Variants in SCFD2 observed in about 807,000 individuals in gnomAD.
The protein encoded by SCFD2 is sec1 family domain containing 2.
A neutral mutation model predicts 58.9 loss-of-function variants in SCFD2; 54 were observed. The ratio of observed to expected loss-of-function variants is 0.92; its 90% CI spans 0.74 to 1.15. SCFD2 has a LOEUF of 1.15. Ranked by LOEUF, SCFD2 falls within the 50% of genes most tolerant of loss-of-function variation. The pLI is 0.00. For synonymous variants in SCFD2, 321 were observed against 335.9 expected, an observed-to-expected ratio of 0.96 and a Z score of 0.49; for missense variants, 805 against 836.6, an observed-to-expected ratio of 0.96 and a Z score of 0.47.
chr4:52,922,346 C>T (rs1038247178), intron 5 of SCFD2, among the ~76,000 whole-genome samples: 1 of 151,978 alleles, frequency 6.6e-6, no homozygotes, highest in Non-Finnish European at 1.5e-5. Flanking sequence ...CAGTCACCCC[C>T]GATTTCTGCC....
At chr4:52,876,466 C>T (rs936510927) in intron 8 of SCFD2, among the ~76,000 whole-genome samples, 4 of 151,942 alleles carry the variant, frequency 2.6e-5, no homozygotes, top group South Asian at 2.1e-4. Context: ...AGCCCTTTTT[C>T]GAACTGGGTG....
At position 53,107,005 on chromosome 4, in the gene SCFD2, C is replaced by A. The variant is rs140052256; in HGVS notation, c.1561+38328G>T. 1.1e-3 allele frequency among the ~76,000 whole-genome samples: 166 copies of A among 152,194 alleles called. 1 individual carries two copies. Among genetic ancestry groups the A allele is most frequent in the African/African-American group, 3.9e-3 (160 of 41,510 alleles). Reference sequence around the variant, plus strand: ...GGTCGGGTTACCCACAAAGGGAAGCCCATCAGACTAACAGCAGATATCTTG... The same window carrying A: ...GGTCGGGTTACCCACAAAGGGAAGCACATCAGACTAACAGCAGATATCTTG... On this transcript the variant is annotated intron_variant, in intron 5 of 8. Transcript: ENST00000401642.
At chr4:53,243,672 G>A (rs1338175573) in intron 4 of SCFD2, among the ~76,000 whole-genome samples, 1 of 150,974 alleles carries the variant, frequency 6.6e-6, no homozygotes, top group Non-Finnish European at 1.5e-5. Flanking sequence ...TCCATTAAAA[G>A]GCACAAAGTA....
chr4:53,110,396 T>A (rs1226161842), intron 5 of SCFD2, among the ~76,000 whole-genome samples: 2 of 151,950 alleles, frequency 1.3e-5, no homozygotes, highest in Non-Finnish European at 2.9e-5. Context: ...ACAAATGGGA[T>A]CTAATTAAAC....
intron 3 of SCFD2, among the ~76,000 whole-genome samples, chr4:53,296,166 A>C (rs960793003): frequency 1.3e-5 from 2 of 152,188 alleles, no homozygotes; most frequent in Non-Finnish European, 2.9e-5. Flanking sequence ...TGAGTTAGGG[A>C]GGATTCCCTC....
chr4:52,889,667 A>T (rs569267411), intron 7 of SCFD2, among the ~76,000 whole-genome samples: 72 of 152,342 alleles, frequency 4.7e-4, no homozygotes, highest in Non-Finnish European at 1.3e-4. Context: ...TACTGAGTGT[A>T]TGCATATCAC....
intron 5 of SCFD2, among the ~76,000 whole-genome samples, chr4:53,032,643 A>T (rs1416229846): frequency 6.6e-6 from 1 of 152,140 alleles, no homozygotes; most frequent in Non-Finnish European, 1.5e-5. Context: ...ACAAACAAAA[A>T]ACAAAAAACA....
intron 5 of SCFD2, among the ~76,000 whole-genome samples, chr4:52,984,601 T>C (rs1406715609): frequency 6.6e-6 from 1 of 152,210 alleles, no homozygotes; most frequent in Non-Finnish European, 1.5e-5. Flanking sequence ...CATTATATAA[T>C]AGAATGAATG....
intron 4 of SCFD2, among the ~76,000 whole-genome samples, chr4:53,231,994 T>C (rs1269578054): frequency 6.6e-6 from 1 of 152,022 alleles, no homozygotes; most frequent in Non-Finnish European, 1.5e-5. Flanking sequence ...CGTTAAAGAA[T>C]ACAAAACAAA....
chr4:52,988,874 T>C (rs934935191), intron 5 of SCFD2, among the ~76,000 whole-genome samples: 3 of 152,240 alleles, frequency 2.0e-5, no homozygotes, highest in African/African-American at 7.2e-5. Context: ...TACAATGATA[T>C]TAATACTTCT....
At chr4:53,201,406 T>C (rs1044805504) in intron 4 of SCFD2, among the ~76,000 whole-genome samples, 4 of 152,214 alleles carry the variant, frequency 2.6e-5, no homozygotes, top group Non-Finnish European at 5.9e-5. Context: ...TGCCACATTT[T>C]CTTAATCCAG....
chr4:52,936,247 T>A (rs756216707), intron 5 of SCFD2, among the ~76,000 whole-genome samples: 6 of 152,096 alleles, frequency 3.9e-5, no homozygotes, highest in Non-Finnish European at 5.9e-5. Context: ...GGATTAACTT[T>A]CCCTAAATAA....
chr4:52,950,024 C>T (rs943802186), intron 5 of SCFD2: 1 of 152,228 alleles, frequency 6.6e-6, no homozygotes, highest in Non-Finnish European at 1.5e-5. Context: ...CATCTGTACA[C>T]ACAACAGTGC....
In SCFD2 at chr4:53,365,722, C is replaced by G; in HGVS notation, c.220G>C (p.Val74Leu). The G allele has an allele frequency of 6.2e-7, 1 of 1,614,146 alleles. No homozygotes were observed. The highest frequency in any genetic ancestry group is 1.1e-5 in the South Asian group (1 of 91,078). Residue 74 changes from valine (V) to leucine (L), a missense_variant, in exon 1 of 9, where the codon GTG (valine) becomes CTG (leucine). By Grantham distance (32) the Val-to-Leu change is conservative. Coordinates refer to ENST00000401642, the MANE Select transcript of SCFD2 (RefSeq NM_152540.4). The surrounding 1 kb of genome is among the most constrained non-coding windows in gnomAD (Gnocchi z 4.3). ...IGGGAKQPKA[V>L]FVLSCLLKGR... is the part of the protein sequence containing the mutation. The stretch of plus-strand genomic sequence containing the variant: ...TTCAGCAGGCAGCTCAGCACAAACA[C>G]TGCCTTGGGCTGCTTGGCTCCACCA...
intron 4 of SCFD2, among the ~76,000 whole-genome samples, chr4:53,179,895 A>G (rs1280200835): frequency 1.3e-5 from 2 of 152,230 alleles, no homozygotes; most frequent in Non-Finnish European, 2.9e-5. Flanking sequence ...AGATCAAAAG[A>G]GACAAAGAAG....
chr4:52,968,125 G>C (rs1251161744), intron 5 of SCFD2, among the ~76,000 whole-genome samples: 1 of 151,956 alleles, frequency 6.6e-6, no homozygotes, highest in East Asian at 1.9e-4. Context: ...CACCCTTGCA[G>C]GGGAATCACA....
In SCFD2 at chr4:52,873,909, G is replaced by T. The variant is rs1718407603; in HGVS notation, c.*60C>A. On this transcript the variant is annotated 3_prime_UTR_variant, in exon 9 of 9. Coordinates refer to ENST00000401642, the MANE Select transcript of SCFD2 (RefSeq NM_152540.4). ...TGGTTGTGGAGGAGTATTTGGAGTG[G>T]TGGCAGAAAATTGCATCGGCATTTC... is the stretch of plus-strand genomic sequence containing the variant. 2 of 1,224,428 alleles carry T rather than the reference G, an allele frequency of 1.6e-6. No homozygotes were observed. Among genetic ancestry groups the T allele is most frequent in the Non-Finnish European group, 1.2e-6 (1 of 826,686 alleles). 75.8% of individuals were successfully genotyped at this position (1,224,428 alleles called of 1,614,324 possible).
At chr4:52,959,002 A>G (rs1339985760) in intron 5 of SCFD2, among the ~76,000 whole-genome samples, 1 of 152,142 alleles carries the variant, frequency 6.6e-6, no homozygotes, top group African/African-American at 2.4e-5. Flanking sequence ...TATTACACCT[A>G]CCTCACTGAT....
intron 3 of SCFD2, among the ~76,000 whole-genome samples, chr4:53,294,392 C>A (rs762676467): frequency 1.2e-4 from 19 of 152,278 alleles, no homozygotes; most frequent in Non-Finnish European, 2.5e-4. Flanking sequence ...CTCTGATGAC[C>A]AGTGATAATG....
Sources: allele counts gnomAD v4.1 joint callset (sites outside exome capture counted in the v4.1 genomes callset), GRCh38; gene constraint gnomAD v4.1.1; non-coding constraint Gnocchi (gnomAD v3.1); transcripts MANE v1.5; gene names NCBI Gene and HGNC (gene_info 2026-07-23, HGNC 2026-07-21).